The following ADGRG4 variants were observed in gnomAD, a reference collection of about 807,000 sequenced individuals.
ADGRG4 encodes the protein adhesion G protein-coupled receptor G4.
In ADGRG4, 122 loss-of-function variants were observed where a neutral mutation model predicts 126.2. That is an observed-to-expected ratio of 0.97 (90% CI 0.83 to 1.12). The LOEUF is 1.12. ADGRG4 is among the 50% of genes most tolerant of loss of function. ADGRG4 has a pLI of 0.00. For missense variants in ADGRG4, 2,481 were observed against 2,251.8 expected, an observed-to-expected ratio of 1.10 and a Z score of -2.06; for synonymous variants, 943 against 838.7, an observed-to-expected ratio of 1.12 and a Z score of -2.15.
Position 136,372,980 on chromosome X carries a change from G to A in ADGRG4, c.7692G>A (p.Leu2564=). 3.3e-6 allele frequency: 4 copies of A among 1,211,273 alleles called. No individual in the cohort carries two copies. The highest frequency in any genetic ancestry group is 4.5e-6 in the Non-Finnish European group (4 of 895,123). Residue 2564 remains leucine, a synonymous_variant, in exon 15 of 26, where the codon CTG becomes CTA. Coordinates refer to ENST00000394143, the MANE Select transcript of ADGRG4 (RefSeq NM_153834.4). ...TAGCAAATCTGACGGTGGCCGGGCT[G>A]GCTTTGGCTGTGCTGCGGGGGGACC... ...GQIANLTVAG[L]ALAVLRGDHT... is the part of the protein sequence containing the mutation.
intron 5 of ADGRG4, among the ~76,000 whole-genome samples, chrX:136,328,557 T>G (rs2074889169): frequency 9.0e-6 from 1 of 110,499 alleles, no homozygotes; most frequent in East Asian, 2.8e-4. Flanking sequence ...ACTGAGTTCA[T>G]CATGGGAAAT....
At chrX:136,351,671 GT>G (rs1222315771) in intron 7 of ADGRG4, 130 bp downstream of exon 7, 13,845 of 231,025 alleles carry the variant, frequency 0.06, no homozygotes, top group East Asian at 0.093. Flanking sequence ...CAGCTAAGTA[GT>G]TTTTTTTTTT....
chrX:136,415,531 C>T (rs2075471127), intron 25 of ADGRG4, among the ~76,000 whole-genome samples: 1 of 111,362 alleles, frequency 9.0e-6, no homozygotes, highest in African/African-American at 3.3e-5. Context: ...TCTCAGTCTC[C>T]CATCTTTGTG....
rs187500276 is a variant in ADGRG4, at chrX:136,319,926, C to A, written c.71-2852C>A. Among the ~76,000 whole-genome samples, 144 of 111,670 alleles carry A rather than the reference C, an allele frequency of 1.3e-3. 1 individual carries two copies. Among genetic ancestry groups the A allele is most frequent in the Middle Eastern group, 4.7e-3 (1 of 215 alleles). The stretch of plus-strand genomic sequence containing the variant: ...GAAATAAGTAACATAGGAAGTAAAA[C>A]ATTTCCCTAATCTCACACCTAAAGA... On this transcript the variant is annotated intron_variant, in intron 4 of 25. Transcript: ENST00000394143.
Position 136,339,720 on chromosome X carries a change from G to A in ADGRG4, c.686-4672G>A, listed in dbSNP as rs187989574. Among the ~76,000 whole-genome samples the A allele has an allele frequency of 1.9e-3, 210 of 112,384 alleles. 1 individual carries two copies. The highest frequency in any genetic ancestry group is 6.5e-3 in the African/African-American group (202 of 30,976). ...TGTTTTATTCTTAGCACCTTTCATA[G>A]TTCTCCTTTGGTTGTCTCTTACACC... is the stretch of plus-strand genomic sequence containing the variant. On this transcript the variant is annotated intron_variant, in intron 5 of 25. Transcript: ENST00000394143.
chrX:136,395,281 C>A, intron 18 of ADGRG4, 109 bp from the exon 19 acceptor site: 1 of 446,746 alleles, frequency 2.2e-6, no homozygotes, highest in Non-Finnish European at 3.8e-6. Context: ...CTTGCTATCT[C>A]AGCAAATAAT....
In ADGRG4 at chrX:136,304,933, T is replaced by C. The variant is rs932075390; in HGVS notation, c.-100T>C. On this transcript the variant is annotated 5_prime_UTR_variant, in exon 3 of 26. Coordinates refer to ENST00000394143, the MANE Select transcript of ADGRG4 (RefSeq NM_153834.4). ...TGGAAAGAAGAAGCAGTGGAGTCCT[T>C]GACAGAAGCAGTGGTGCTGGAACCT... The C allele has an allele frequency of 3.6e-5, 4 of 112,570 alleles. No individual in the cohort carries two copies. Among genetic ancestry groups the C allele is most frequent in the African/African-American group, 1.3e-4 (4 of 30,981 alleles). The allele number at this position is 112,570 out of a possible 1,213,427, so 9.3% of individuals were successfully genotyped here.
Position 136,321,903 on chromosome X carries a change from G to A in ADGRG4, c.71-875G>A, listed in dbSNP as rs762488664. ...CAGGGAGAGGCTATTATCTGGCATA[G>A]ACTATAATGTGAATGGTGGCCCTTA... On this transcript the variant is annotated intron_variant, in intron 4 of 25. Coordinates refer to ENST00000394143, the MANE Select transcript of ADGRG4 (RefSeq NM_153834.4). Among the ~76,000 whole-genome samples the A allele has an allele frequency of 2.7e-5, 3 of 112,261 alleles. No homozygotes were observed. The South Asian group carries it at 1.1e-3, about 42-fold the overall frequency.
intron 15 of ADGRG4, among the ~76,000 whole-genome samples, chrX:136,380,855 G>A (rs987029844): frequency 2.8e-5 from 3 of 108,163 alleles, no homozygotes; most frequent in Non-Finnish European, 5.7e-5. Context: ...GGGACTACAG[G>A]CACGTACCAC....
intron 11 of ADGRG4, 75 bp downstream of exon 11, chrX:136,359,530 T>C (rs2075114899): frequency 2.5e-6 from 2 of 800,673 alleles, no homozygotes; most frequent in Non-Finnish European, 3.5e-6. Flanking sequence ...GCATACTTGG[T>C]TAAGGATTCT....
At chrX:136,359,875 G>A (rs1444773478) in intron 11 of ADGRG4, among the ~76,000 whole-genome samples, 1 of 111,717 alleles carries the variant, frequency 9.0e-6, no homozygotes, top group Non-Finnish European at 1.9e-5. Context: ...TTCTCTCATG[G>A]GGGCATTCTC....
At chrX:136,333,981 A>G (rs1260346538) in intron 5 of ADGRG4, among the ~76,000 whole-genome samples, 1 of 111,655 alleles carries the variant, frequency 9.0e-6, no homozygotes, top group Non-Finnish European at 1.9e-5. Context: ...TTTTTTCTAA[A>G]TATTCCATAG....
chrX:136,346,893 T>C lies in ADGRG4; in HGVS notation c.3187T>C (p.Leu1063=). The change falls in exon 6 of 26, where the codon TTG becomes CTG. Residue 1063 remains leucine (L), a synonymous_variant. Transcript: ENST00000394143. ...ATCCTCAACTACAATGACCACAGCA[T>C]TGGTACCACCTTTGGATCAGACTGC... The part of the protein sequence containing the change: ...NLSSTTMTTA[L]VPPLDQTAST... The C allele has an allele frequency of 8.3e-7, 1 of 1,210,999 alleles. No individual in the cohort carries two copies. The highest frequency in any genetic ancestry group is 1.1e-6 in the Non-Finnish European group (1 of 894,895).
rs2074719535 is a variant in ADGRG4 at position 136,304,204 on chromosome X, C to T, written c.-182C>T. 1.8e-5 allele frequency: 2 copies of T among 111,817 alleles called. No individual in the cohort carries two copies. Among genetic ancestry groups the T allele is most frequent in the Admixed American group, 1.9e-4 (2 of 10,523 alleles). The allele number at this position is 111,817 out of a possible 1,213,427, so 9.2% of individuals were successfully genotyped here. A position where few individuals can be genotyped will look rare whatever the true frequency, so the allele number is the denominator to read the frequency against. ...ATGGAAGATACCCGTTGAAGCCCTC[C>T]CAGGTGACAATTGTTTTCCTGACAA... is the stretch of plus-strand genomic sequence containing the variant. On this transcript the variant is annotated 5_prime_UTR_variant, in exon 2 of 26. Transcript: ENST00000394143.
Position 136,338,030 on chromosome X carries a change from T to C in ADGRG4, c.686-6362T>C, listed in dbSNP as rs938513498. Among the ~76,000 whole-genome samples, 21 of 111,412 alleles carry C rather than the reference T, an allele frequency of 1.9e-4. No individual in the cohort carries two copies. The South Asian group carries it at 2.3e-3, about 12-fold the overall frequency. The stretch of plus-strand genomic sequence containing the variant: ...CATTTTCTCTATTGTTTAGATTGGG[T>C]GAATTCTATTATTTTATCATTATGT... On this transcript the variant is annotated intron_variant, in intron 5 of 25. Transcript: ENST00000394143.
intron 4 of ADGRG4, among the ~76,000 whole-genome samples, chrX:136,317,370 C>T (rs1278475343): frequency 9.2e-6 from 1 of 108,353 alleles, no homozygotes. Context: ...CATGGTGGTA[C>T]ATGCCTGTAT....
At chrX:136,314,171 C>T (rs937071621) in intron 4 of ADGRG4, among the ~76,000 whole-genome samples, 1 of 111,011 alleles carries the variant, frequency 9.0e-6, no homozygotes, top group Non-Finnish European at 1.9e-5. Flanking sequence ...ACTTCAGTAG[C>T]CTCCTAATGT....
chrX:136,409,656 A>C (rs535951276), intron 23 of ADGRG4, among the ~76,000 whole-genome samples: 7 of 111,725 alleles, frequency 6.3e-5, no homozygotes, highest in African/African-American at 2.3e-4. Context: ...AGAGTTAGCG[A>C]GACATGCCAT....
intron 19 of ADGRG4, 78 bp downstream of exon 19, chrX:136,395,571 T>C (rs1461939084): frequency 2.1e-5 from 11 of 524,512 alleles, no homozygotes; most frequent in African/African-American, 4.7e-5. Context: ...TGAACTGTTA[T>C]TAAAAAATGG....
Sources: allele counts gnomAD v4.1 joint callset (sites outside exome capture counted in the v4.1 genomes callset), GRCh38; gene constraint gnomAD v4.1.1; transcripts MANE v1.5; gene names NCBI Gene and HGNC (gene_info 2026-07-23, HGNC 2026-07-21).